Variants in CACNA2D1 observed in about 807,000 individuals in gnomAD.
CACNA2D1 encodes voltage-dependent calcium channel subunit alpha-2/delta-1.
CACNA2D1 carries 53 observed loss-of-function variants against 171.5 expected under a neutral mutation model. The observed-to-expected ratio is 0.31, with a 90% confidence interval of 0.25 to 0.39. The LOEUF (loss-of-function observed/expected upper bound fraction) is 0.39, where lower values mean the gene tolerates loss of function less well. Among genes scored for constraint, CACNA2D1 ranks in the 10% least tolerant of loss-of-function variants. The pLI, the probability that CACNA2D1 is intolerant of heterozygous loss-of-function variation, is 1.00. For synonymous variants in CACNA2D1, 442 were observed against 443.1 expected, an observed-to-expected ratio of 1.00 and a Z score of 0.03; for missense variants, 903 against 1,299.8, an observed-to-expected ratio of 0.69 and a Z score of 4.69.
chr7:82,258,832 T>G (rs1806681781), intron 3 of CACNA2D1, among the ~76,000 whole-genome samples: 1 of 131,192 alleles, frequency 7.6e-6, no homozygotes, highest in South Asian at 2.5e-4. Context: ...TTTTTTTTTT[T>G]TTTTTTTGAG....
At chr7:82,178,328 G>A (rs932103957) in intron 3 of CACNA2D1, among the ~76,000 whole-genome samples, 9 of 152,130 alleles carry the variant, frequency 5.9e-5, no homozygotes, top group Admixed American at 2.0e-4. Context: ...GCAGGGTAAG[G>A]GAGATATCAT....
Position 82,011,379 on chromosome 7 carries a change from C to T in CACNA2D1, c.1362+775G>A, listed in dbSNP as rs545443450. 7.8e-4 allele frequency among the ~76,000 whole-genome samples: 118 copies of T among 152,252 alleles called. 1 individual carries two copies. The Middle Eastern group carries it at 0.01, about 13-fold the overall frequency. ...GGACCACAGGTTGGACAAGCTTGCT[C>T]TAGATGCCAGTAGCAACCCCTCCCC... On this transcript the variant is annotated intron_variant, in intron 15 of 38. Transcript: ENST00000356860.
chr7:81,948,398 T>C lies in CACNA2D1; in HGVS notation c.*1994A>G, dbSNP rs754522962. On this transcript the variant is annotated 3_prime_UTR_variant, in exon 39 of 39. Coordinates refer to ENST00000356860, the MANE Select transcript of CACNA2D1 (RefSeq NM_000722.4). ...AATCACAACAATGCATTAGAAATGG[T>C]AACTGATGTCAACTCTTAGAACAAT... is the stretch of plus-strand genomic sequence containing the variant. The C allele has an allele frequency of 6.6e-6, 1 of 151,778 alleles. No homozygotes were observed. Among genetic ancestry groups the C allele is most frequent in the African/African-American group, 2.4e-5 (1 of 41,374 alleles). The allele number at this position is 151,778 out of a possible 1,614,324, so 9.4% of individuals were successfully genotyped here.
chr7:82,042,071 T>C (rs1804028183), intron 10 of CACNA2D1, among the ~76,000 whole-genome samples: 1 of 152,156 alleles, frequency 6.6e-6, no homozygotes, highest in Non-Finnish European at 1.5e-5. Flanking sequence ...CAGTAGTGTA[T>C]AACAGAATTA....
chr7:81,982,296 A>C (rs1439424234), intron 24 of CACNA2D1, among the ~76,000 whole-genome samples: 2 of 152,088 alleles, frequency 1.3e-5, no homozygotes, highest in Admixed American at 6.6e-5. Context: ...TGCCCAGCAA[A>C]TTTTTGTATT....
At chr7:82,094,481 T>C (rs965081885) in intron 6 of CACNA2D1, among the ~76,000 whole-genome samples, 2 of 152,168 alleles carry the variant, frequency 1.3e-5, no homozygotes, top group South Asian at 2.1e-4. Context: ...AAAATCAATA[T>C]TGTTAGTATT....
Position 82,443,543 on chromosome 7 carries a change from C to A in CACNA2D1, c.-84G>T. The A allele has an allele frequency of 1.3e-6, 2 of 1,541,956 alleles. No homozygotes were observed. The highest frequency in any genetic ancestry group is 1.7e-6 in the Non-Finnish European group (2 of 1,144,488). On this transcript the variant is annotated 5_prime_UTR_variant, in exon 1 of 39. Transcript: ENST00000356860. ...GAAACCGCGGGCGGAGGAAGAGCAG[C>A]ACACGCCGCCGGGACCGCGGGCGTC...
chr7:82,017,774 C>A (rs73705440), intron 12 of CACNA2D1, among the ~76,000 whole-genome samples: 2,508 of 152,158 alleles, frequency 0.016, 66 homozygotes, highest in African/African-American at 0.058. Context: ...TTTGCATGAT[C>A]TTACATAAAA....
At chr7:82,067,945 A>G (rs142046908) in intron 7 of CACNA2D1, among the ~76,000 whole-genome samples, 5 of 152,272 alleles carry the variant, frequency 3.3e-5, no homozygotes, top group South Asian at 2.1e-4. Context: ...ACCTTGCCCT[A>G]TGAAAATGGA....
intron 3 of CACNA2D1, among the ~76,000 whole-genome samples, chr7:82,314,657 A>G (rs1249708161): frequency 6.6e-6 from 1 of 152,166 alleles, no homozygotes; most frequent in Non-Finnish European, 1.5e-5. Flanking sequence ...TTTAATTTAC[A>G]TTGTTCATAT....
At chr7:82,061,257 C>T (rs1806876651) in intron 9 of CACNA2D1, among the ~76,000 whole-genome samples, 2 of 152,108 alleles carry the variant, frequency 1.3e-5, no homozygotes, top group Admixed American at 1.3e-4. Context: ...TCTCAGCCAT[C>T]CAATTTGTTC....
chr7:81,999,848 A>G (rs1296986394), intron 18 of CACNA2D1, among the ~76,000 whole-genome samples: 4 of 152,234 alleles, frequency 2.6e-5, no homozygotes, highest in African/African-American at 9.6e-5. Context: ...AGATATGAAG[A>G]CTTTCATATG....
chr7:82,326,460 A>T (rs1816659893), intron 3 of CACNA2D1, among the ~76,000 whole-genome samples: 1 of 152,200 alleles, frequency 6.6e-6, no homozygotes, highest in African/African-American at 2.4e-5. Context: ...CCAGGCTTTC[A>T]TTCTCCCATG....
intron 3 of CACNA2D1, among the ~76,000 whole-genome samples, chr7:82,241,766 C>A (rs2129296388): frequency 6.6e-6 from 1 of 152,076 alleles, no homozygotes; most frequent in Non-Finnish European, 1.5e-5. Flanking sequence ...TAATTAATTT[C>A]TATGTTTAGT....
intron 5 of CACNA2D1, among the ~76,000 whole-genome samples, chr7:82,136,269 G>C (rs1254244725): frequency 6.6e-6 from 1 of 152,100 alleles, no homozygotes; most frequent in Non-Finnish European, 1.5e-5. Flanking sequence ...TTAAGTCAAA[G>C]CAGATAGGCG....
chr7:82,088,567 T>G (rs2129015784), intron 6 of CACNA2D1, among the ~76,000 whole-genome samples: 1 of 152,256 alleles, frequency 6.6e-6, no homozygotes, highest in African/African-American at 2.4e-5. Context: ...TGTCAAAGAT[T>G]TTATTTAATT....
At chr7:82,261,441 T>C (rs1032336489) in intron 3 of CACNA2D1, among the ~76,000 whole-genome samples, 2 of 152,224 alleles carry the variant, frequency 1.3e-5, no homozygotes, top group Admixed American at 6.5e-5. Context: ...CCCTTTGCCA[T>C]GGTATTTCCA....
chr7:82,347,035 G>T (rs930385559), intron 2 of CACNA2D1, among the ~76,000 whole-genome samples: 4 of 152,042 alleles, frequency 2.6e-5, no homozygotes, highest in Non-Finnish European at 4.4e-5. Context: ...TCTCCAAATG[G>T]TTCAGTAATG....
At chr7:82,386,626 G>T (rs367898899) in intron 1 of CACNA2D1, among the ~76,000 whole-genome samples, 1 of 151,940 alleles carries the variant, frequency 6.6e-6, no homozygotes, top group Non-Finnish European at 1.5e-5. Context: ...CCAGCTACTC[G>T]CAAGGCTGAG....
Sources: allele counts gnomAD v4.1 joint callset (sites outside exome capture counted in the v4.1 genomes callset), GRCh38; gene constraint gnomAD v4.1.1; transcripts MANE v1.5; gene names NCBI Gene and HGNC (gene_info 2026-07-23, HGNC 2026-07-21).